SLC5A4: variants seen among roughly 807,000 people sequenced by gnomAD.
SLC5A4 encodes solute carrier family 5 member 4.
A neutral mutation model predicts 70.3 loss-of-function variants in SLC5A4; 55 were observed. The observed-to-expected ratio is 0.78, with a 90% confidence interval of 0.63 to 0.98. The LOEUF is 0.98. Among genes scored for constraint, SLC5A4 ranks in the 50% least tolerant of loss-of-function variants. The probability of loss-of-function intolerance (pLI) is 0.00; values close to 1 mark genes in which losing one functional copy is unlikely to be tolerated. For missense variants in SLC5A4, 735 were observed against 839.2 expected (o/e 0.88, Z 1.53); for synonymous variants, 268 against 305.7 (o/e 0.88, Z 1.29).
rs759567213 is a variant in SLC5A4, at chr22:32,229,298, G to A, written c.1176C>T (p.Ser392=). Residue 392 remains serine (S), a synonymous_variant, in exon 11 of 15, where the codon AGC becomes AGT. Transcript: ENST00000266086. ...MLSVMLASLM[S]SLTSIFNSAS... ...CGCTGTTGAAGATGGAGGTCAGGGA[G>A]CTCATGAGAGAGGCCAGCATGACCG... The A allele has an allele frequency of 3.2e-5, 52 of 1,614,064 alleles. No individual in the cohort carries two copies. The South Asian group carries it at 5.1e-4, about 16-fold the overall frequency.
At chr22:32,303,197 C>G in the SLC5A4 span, among the ~76,000 whole-genome samples, 2 of 152,282 alleles carry the variant, frequency 1.3e-5, no homozygotes, top group South Asian at 4.1e-4. Context: ...TCCAAGGTGG[C>G]TGGGGCACAG....
rs780834586 is a variant in SLC5A4 at position 32,251,790 on chromosome 22, T to C, written c.292A>G (p.Thr98Ala). 1 of 1,611,544 alleles carries C rather than the reference T, an allele frequency of 6.2e-7. No individual in the cohort carries two copies. Among genetic ancestry groups the C allele is most frequent in the Admixed American group, 1.7e-5 (1 of 60,010 alleles). The part of the protein sequence containing the change: ...AGTGAASGVA[T>A]VTFEWTSSVM... ...CTTACAGTCCATTCAAATGTTACGG[T>C]GGCGACTCCTGAAGCTGCTCCTGTC... is the stretch of plus-strand genomic sequence containing the variant. The change falls in exon 3 of 15, where the codon ACC becomes GCC. Residue 98 changes from threonine (T) to alanine (A), a missense_variant. Physicochemically the swap from Thr to Ala is moderately conservative, Grantham distance 58. Coordinates refer to ENST00000266086, the MANE Select transcript of SLC5A4 (RefSeq NM_014227.3).
upstream of SLC5A4, among the ~76,000 whole-genome samples, chr22:32,256,583 C>T (rs1458101913): frequency 6.6e-6 from 1 of 152,192 alleles, no homozygotes; most frequent in African/African-American, 2.4e-5. Context: ...CCCCATCCCT[C>T]CCTCTCTCCA....
At chr22:32,251,510 C>CCTCTCT (rs113394070) in intron 3 of SLC5A4, among the ~76,000 whole-genome samples, 2 of 146,054 alleles carry the variant, frequency 1.4e-5, no homozygotes, top group African/African-American at 5.0e-5. Context: ...ATCCTCCATC[C>CCTCTCT]CTCTCTCTCT....
At chr22:32,322,570 A>G in the SLC5A4 span, among the ~76,000 whole-genome samples, 3 of 148,574 alleles carry the variant, frequency 2.0e-5, no homozygotes, top group African/African-American at 7.5e-5. Flanking sequence ...TGGGCAACAG[A>G]GCAAGACTCT....
At chr22:32,219,219 CTTCTATATTG>C (rs780850847) in intron 14 of SLC5A4, among the ~76,000 whole-genome samples, 4 of 152,158 alleles carry the variant, frequency 2.6e-5, no homozygotes, top group Non-Finnish European at 5.9e-5. Context: ...AACAGGCACT[CTTCTATATTG>C]TTGCTAGGGA....
the SLC5A4 span, among the ~76,000 whole-genome samples, chr22:32,305,127 A>G: frequency 1.3e-5 from 2 of 152,068 alleles, no homozygotes; most frequent in Non-Finnish European, 2.9e-5. Flanking sequence ...TTTTCAACTC[A>G]TGTACCGAGA....
At chr22:32,255,790 G>A (rs561592892), upstream of SLC5A4, among the ~76,000 whole-genome samples, 20 of 152,286 alleles carry the variant, frequency 1.3e-4, no homozygotes, top group South Asian at 1.5e-3. Flanking sequence ...TATGCCTTTC[G>A]TGGATTCCAA....
chr22:32,331,546 G>C, the SLC5A4 span, among the ~76,000 whole-genome samples: 1 of 152,274 alleles, frequency 6.6e-6, no homozygotes, highest in East Asian at 1.9e-4. Flanking sequence ...TTTCCTTCAG[G>C]AAGAAGCTGG....
At chr22:32,329,459 CT>C in the SLC5A4 span, among the ~76,000 whole-genome samples, 1 of 151,166 alleles carries the variant, frequency 6.6e-6, no homozygotes, top group South Asian at 2.1e-4. Flanking sequence ...AGCAAAATAT[CT>C]TGCTGGGCCA....
chr22:32,261,664 C>T, the SLC5A4 span, among the ~76,000 whole-genome samples: 1 of 152,220 alleles, frequency 6.6e-6, no homozygotes, highest in Non-Finnish European at 1.5e-5. Flanking sequence ...TGCAACTCTC[C>T]CCCAAAGCAG....
At chr22:32,322,125 C>T in the SLC5A4 span, among the ~76,000 whole-genome samples, 2 of 152,096 alleles carry the variant, frequency 1.3e-5, no homozygotes, top group African/African-American at 2.4e-5. Context: ...GTGACCAGCT[C>T]AACATTCTAG....
the SLC5A4 span, among the ~76,000 whole-genome samples, chr22:32,334,599 C>T: frequency 2.0e-5 from 3 of 152,202 alleles, no homozygotes; most frequent in East Asian, 1.9e-4. Context: ...CCCCGTGCTT[C>T]GCTGGCTCCA....
the SLC5A4 span, chr22:32,271,280 C>G: frequency 1.3e-6 from 1 of 754,878 alleles, no homozygotes; most frequent in Non-Finnish European, 2.3e-6. Flanking sequence ...GGAGAGCCCA[C>G]CACACAGGGC....
At chr22:32,239,535 TA>T (rs1182563763) in intron 5 of SLC5A4, among the ~76,000 whole-genome samples, 2,224 of 15,040 alleles carry the variant, frequency 0.15, 259 homozygotes, top group African/African-American at 0.42. Context: ...TATATATATA[TA>T]TATATATATA....
the SLC5A4 span, among the ~76,000 whole-genome samples, chr22:32,353,603 C>T: frequency 6.6e-6 from 1 of 152,020 alleles, no homozygotes; most frequent in East Asian, 1.9e-4. Flanking sequence ...CAACAGCACC[C>T]CTAACCCGCC....
At chr22:32,269,113 G>A in the SLC5A4 span, among the ~76,000 whole-genome samples, 12 of 152,112 alleles carry the variant, frequency 7.9e-5, no homozygotes, top group South Asian at 2.1e-4. This position sits in a 1 kb window ranked among gnomAD's most constrained non-coding sequence, Gnocchi z 4.1. Flanking sequence ...TGGCGGTCTC[G>A]AACTCCTCAC....
intron 13 of SLC5A4, among the ~76,000 whole-genome samples, chr22:32,222,102 T>C (rs1785250986): frequency 1.3e-5 from 2 of 152,242 alleles, no homozygotes; most frequent in South Asian, 2.1e-4. Flanking sequence ...TTCTAAGTTA[T>C]ACCTCATTTT....
At chr22:32,336,998 G>C in the SLC5A4 span, among the ~76,000 whole-genome samples, 108 of 152,362 alleles carry the variant, frequency 7.1e-4, 1 homozygote, top group Non-Finnish European at 2.6e-4. Context: ...AGAAAAGCAG[G>C]ACAGGGCTGG....
Sources: gnomAD v4.1 joint callset for allele counts (sites outside exome capture counted in the v4.1 genomes callset) on GRCh38, gnomAD v4.1.1 for gene constraint, Gnocchi (gnomAD v3.1) non-coding constraint, MANE v1.5 for transcripts, NCBI Gene and HGNC (gene_info 2026-07-23, HGNC 2026-07-21) for gene names.